DSTYK: variants seen among roughly 807,000 people sequenced by gnomAD.
DSTYK encodes the protein dual serine/threonine and tyrosine protein kinase.
Under a neutral mutation model 98.7 loss-of-function variants are expected in DSTYK, and 34 were observed. The observed-to-expected ratio is 0.34, with a 90% CI of 0.26 to 0.46. The LOEUF (loss-of-function observed/expected upper bound fraction) is 0.46, where lower values mean the gene tolerates loss of function less well. DSTYK is among the 20% of genes least tolerant of loss of function. The pLI is 1.00. For synonymous variants in DSTYK, 462 were observed against 457.3 expected (o/e 1.01, Z -0.13); for missense variants, 962 against 1,181.7 (o/e 0.81, Z 2.73).
chr1:205,147,327 C>CT lies in DSTYK; in HGVS notation c.*230dup. On this transcript the variant is annotated 3_prime_UTR_variant, in exon 13 of 13. Transcript: ENST00000367162. ...CCTCAGCTTTTACACATCTGAGACA[C>CT]TTTTTTGCTAAAGGGATAGCTTGGC... 1 of 409,520 alleles carries CT rather than the reference C, an allele frequency of 2.4e-6. No individual in the cohort carries two copies. The highest frequency in any genetic ancestry group is 4.4e-6 in the Non-Finnish European group (1 of 226,844). The allele number at this position is 409,520 out of a possible 1,614,324, so 25.4% of individuals were successfully genotyped here. A position where few individuals can be genotyped will look rare whatever the true frequency, so the allele number is the denominator to read the frequency against.
rs935829825 is a variant in DSTYK at position 205,145,226 on chromosome 1, C to G, written c.*2332G>C. On this transcript the variant is annotated 3_prime_UTR_variant, in exon 13 of 13. Coordinates refer to ENST00000367162, the MANE Select transcript of DSTYK (RefSeq NM_015375.3). ...AAATTCTGAGAATATACTGAACATC[C>G]TACCAAAACAAGGCTAAAGCCTGCA... 6.6e-6 allele frequency: 1 copy of G among 152,096 alleles called. No homozygotes were observed. The highest frequency in any genetic ancestry group is 1.5e-5 in the Non-Finnish European group (1 of 68,018). The allele number at this position is 152,096 out of a possible 1,614,324, so 9.4% of individuals were successfully genotyped here.
chr1:205,176,501 A>AAAAAAAAAG (rs1558613560), intron 2 of DSTYK, among the ~76,000 whole-genome samples: 3 of 147,314 alleles, frequency 2.0e-5, no homozygotes, highest in African/African-American at 2.6e-5. Flanking sequence ...AAAAAAAAAA[A>AAAAAAAAAG]AAAAAAAAGA....
intron 1 of DSTYK, among the ~76,000 whole-genome samples, chr1:205,195,123 G>A (rs1338781678): frequency 7.5e-6 from 1 of 132,774 alleles, no homozygotes; most frequent in African/African-American, 2.5e-5. Flanking sequence ...CACCATGCCT[G>A]GCCAAAAATA....
intron 7 of DSTYK, 129 bp from the exon 8 acceptor site, chr1:205,160,399 G>T: frequency 1.2e-6 from 1 of 847,220 alleles, no homozygotes; most frequent in Non-Finnish European, 1.8e-6. Context: ...GCAGTGGCAT[G>T]ATCTCTGCTC....
At chr1:205,152,149 G>A (rs911812297) in intron 10 of DSTYK, among the ~76,000 whole-genome samples, 4 of 152,018 alleles carry the variant, frequency 2.6e-5, no homozygotes, top group African/African-American at 9.7e-5. Flanking sequence ...TAGACAATAG[G>A]AATTTTTTAG....
intron 2 of DSTYK, chr1:205,173,506 G>T (rs982030702): frequency 1.3e-5 from 2 of 150,986 alleles, no homozygotes; most frequent in African/African-American, 4.9e-5. Context: ...TTTTTTAAAA[G>T]ATATAAATCA....
At chr1:205,151,677 G>A (rs1435774601) in intron 10 of DSTYK, among the ~76,000 whole-genome samples, 1 of 141,894 alleles carries the variant, frequency 7.0e-6, no homozygotes, top group Non-Finnish European at 1.6e-5. Flanking sequence ...TGTTGTCCAG[G>A]CTGGTTATAG....
chr1:205,168,937 G>A (rs1248117353), intron 3 of DSTYK, among the ~76,000 whole-genome samples: 1 of 152,158 alleles, frequency 6.6e-6, no homozygotes, highest in Non-Finnish European at 1.5e-5. Context: ...ACCAAAAGTT[G>A]AGCTAATGTT....
In DSTYK at chr1:205,211,279, A is replaced by T. The variant is rs146982479; in HGVS notation, c.257T>A (p.Leu86Gln). Residue 86 changes from leucine to glutamine, a missense_variant, in exon 1 of 13, where the codon CTG becomes CAG. Physicochemically the swap from Leu to Gln is moderately radical, Grantham distance 113 (BLOSUM62 -2). Around this residue, in one of 4 missense-constraint regions of DSTYK, gnomAD observed 660 missense variants for 855.0 expected, o/e 0.77. Transcript: ENST00000367162. ...GPAGDVAETG[L>Q]QAGQLSCISF... is the part of the protein sequence containing the mutation. ...CGGGCTGCCCTCCTTACCCGCCTGC[A>T]GCCCGGTTTCGGCGACATCGCCTGC... 629 of 1,606,778 alleles carry T rather than the reference A, an allele frequency of 3.9e-4. No individual in the cohort carries two copies. Among genetic ancestry groups the T allele is most frequent in the Middle Eastern group, 8.3e-4 (5 of 6,004 alleles).
chr1:205,147,407 T>A lies in DSTYK; in HGVS notation c.*151A>T. On this transcript the variant is annotated 3_prime_UTR_variant, in exon 13 of 13. Transcript: ENST00000367162. ...CATTCAACTCTTCACTGTCCAGGAG[T>A]CATCCCTGCCTGGGAAGGTTCCAAG... 1.3e-6 allele frequency: 1 copy of A among 758,190 alleles called. No individual in the cohort carries two copies. Among genetic ancestry groups the A allele is most frequent in the East Asian group, 2.5e-5 (1 of 39,226 alleles). 47.0% of individuals were successfully genotyped at this position (758,190 alleles called of 1,614,324 possible). A position where few individuals can be genotyped will look rare whatever the true frequency, so the allele number is the denominator to read the frequency against.
In DSTYK at chr1:205,152,083, C is replaced by T. The variant is rs117943039; in HGVS notation, c.2353-1289G>A. Among the ~76,000 whole-genome samples the T allele has an allele frequency of 7.2e-5, 11 of 152,292 alleles. No individual in the cohort carries two copies. The East Asian group carries it at 1.7e-3, about 24-fold the overall frequency. ...ATACTTTTATATCAGTAGGTTTACA[C>T]GAGCATCACATGTGTATTGCACTGT... is the stretch of plus-strand genomic sequence containing the variant. On this transcript the variant is annotated intron_variant, in intron 10 of 12. Transcript: ENST00000367162.
intron 10 of DSTYK, among the ~76,000 whole-genome samples, chr1:205,151,771 G>A (rs1407130689): frequency 5.9e-5 from 9 of 151,574 alleles, no homozygotes; most frequent in African/African-American, 2.2e-4. Context: ...CCTGCATGGG[G>A]TCAGGATCAT....
Position 205,203,898 on chromosome 1 carries a change from G to A in DSTYK, c.265+7373C>T, listed in dbSNP as rs191808830. Among the ~76,000 whole-genome samples the A allele has an allele frequency of 3.5e-3, 535 of 152,268 alleles. 6 individuals carry two copies. Among genetic ancestry groups the A allele is most frequent in the Admixed American group, 0.013 (200 of 15,296 alleles). ...CCACTGCACTCCAGCCTGGGCAACA[G>A]AGCGAGACTCTGTCTCAAAACAACA... is the stretch of plus-strand genomic sequence containing the variant. On this transcript the variant is annotated intron_variant, in intron 1 of 12. Transcript: ENST00000367162.
intron 1 of DSTYK, among the ~76,000 whole-genome samples, chr1:205,204,413 C>G (rs1178215288): frequency 6.6e-6 from 1 of 151,786 alleles, no homozygotes; most frequent in Non-Finnish European, 1.5e-5. Flanking sequence ...TCTCATTCTT[C>G]TGCGAACCCC....
At chr1:205,209,508 AAT>A (rs1200284979) in intron 1 of DSTYK, among the ~76,000 whole-genome samples, 9 of 45,212 alleles carry the variant, frequency 2.0e-4, no homozygotes, top group South Asian at 7.6e-4. Context: ...CATCCCCAGA[AAT>A]GGTGATAAAA....
chr1:205,211,265 C>G lies in DSTYK; in HGVS notation c.265+6G>C. 1.2e-6 allele frequency: 2 copies of G among 1,602,626 alleles called. No homozygotes were observed. The highest frequency in any genetic ancestry group is 1.7e-6 in the Non-Finnish European group (2 of 1,175,680). On this transcript the variant is annotated splice_donor_region_variant and intron_variant, in intron 1 of 12. Coordinates refer to ENST00000367162, the MANE Select transcript of DSTYK (RefSeq NM_015375.3). ...GCCCTCTCTCCCTCCGGGCTGCCCT[C>G]CTTACCCGCCTGCAGCCCGGTTTCG... is the stretch of plus-strand genomic sequence containing the variant.
chr1:205,189,260 A>T lies in DSTYK; in HGVS notation c.266-1454T>A, dbSNP rs573472997. On this transcript the variant is annotated intron_variant, in intron 1 of 12. Coordinates refer to ENST00000367162, the MANE Select transcript of DSTYK (RefSeq NM_015375.3). ...TGTTCAAGACAGAACAAGCTTCCTAAAGAATGAGAATCTGTGTTTGAGAAA... is the reference window on the plus strand; with the variant it reads ...TGTTCAAGACAGAACAAGCTTCCTATAGAATGAGAATCTGTGTTTGAGAAA... Among the ~76,000 whole-genome samples the T allele has an allele frequency of 1.4e-4, 21 of 152,340 alleles. No individual in the cohort carries two copies. In the South Asian group the frequency reaches 3.9e-3, roughly 29 times the overall value.
chr1:205,174,328 T>C (rs994230139), intron 2 of DSTYK, among the ~76,000 whole-genome samples: 8 of 151,740 alleles, frequency 5.3e-5, no homozygotes, highest in African/African-American at 1.9e-4. Context: ...GCTTGGCCAA[T>C]ATGGTGAAAC....
At chr1:205,193,988 T>C (rs141361860) in intron 1 of DSTYK, among the ~76,000 whole-genome samples, 67 of 152,000 alleles carry the variant, frequency 4.4e-4, no homozygotes, top group African/African-American at 1.5e-3. Flanking sequence ...ACCTGCCACA[T>C]CCCACACCCT....
Sources: gnomAD v4.1 joint callset for allele counts (sites outside exome capture counted in the v4.1 genomes callset) on GRCh38, gnomAD v4.1.1 for gene constraint, gnomAD v4.1.1 regional missense constraint, MANE v1.5 for transcripts, NCBI Gene and HGNC (gene_info 2026-07-23, HGNC 2026-07-21) for gene names.